SUFU: variants seen among roughly 807,000 people sequenced by gnomAD.
SUFU encodes SUFU negative regulator of hedgehog signaling, also known as suppressor of fused homolog.
Under a neutral mutation model 58.9 loss-of-function variants are expected in SUFU, and 7 were observed. The observed-to-expected ratio is 0.12, with a 90% CI of 0.07 to 0.22. The LOEUF is 0.22. Among genes scored for constraint, SUFU ranks in the 10% least tolerant of loss-of-function variants. The probability of loss-of-function intolerance (pLI) is 1.00; values close to 1 mark genes in which losing one functional copy is unlikely to be tolerated. For missense variants in SUFU, 451 were observed against 641.3 expected (o/e 0.70, Z 3.20); for synonymous variants, 232 against 254.8 (o/e 0.91, Z 0.85).
chr10:102,579,926 C>T, intron 3 of SUFU: 1 of 912,098 alleles, frequency 1.1e-6, no homozygotes, highest in Non-Finnish European at 1.3e-6. Context: ...TACAACTGGT[C>T]ACCATCTGCG....
chr10:102,585,871 A>G (rs561297998), intron 3 of SUFU, among the ~76,000 whole-genome samples: 2 of 143,536 alleles, frequency 1.4e-5, no homozygotes, highest in South Asian at 4.5e-4. Context: ...TTATGTGCTT[A>G]TTAGCTATTT....
At chr10:102,528,464 A>G (rs2135688957) in intron 2 of SUFU, among the ~76,000 whole-genome samples, 1 of 152,096 alleles carries the variant, frequency 6.6e-6, no homozygotes, top group East Asian at 1.9e-4. Flanking sequence ...TCAGCTACTC[A>G]GTGGCTGAGG....
intron 8 of SUFU, among the ~76,000 whole-genome samples, chr10:102,613,133 G>A (rs545910922): frequency 3.3e-5 from 5 of 152,150 alleles, no homozygotes; most frequent in Non-Finnish European, 7.4e-5. Flanking sequence ...TCTGACGCAC[G>A]GTGAGGGGGG....
chr10:102,534,327 G>A (rs933728197), intron 2 of SUFU, among the ~76,000 whole-genome samples: 6 of 152,148 alleles, frequency 3.9e-5, no homozygotes, highest in Admixed American at 3.3e-4. Context: ...CTTGGGAGGC[G>A]GAGGCAGGAG....
Position 102,584,423 on chromosome 10 carries a change from C to T in SUFU, c.455-8159C>T, listed in dbSNP as rs901723469. On this transcript the variant is annotated intron_variant, in intron 3 of 11. Coordinates refer to ENST00000369902, the MANE Select transcript of SUFU (RefSeq NM_016169.4). Reference sequence around the variant, plus strand: ...TTTTGAACTCCTGGGCTCAAGAGATCCTCTCACTGGGCCTCCCAAAATGCT... The same window carrying T: ...TTTTGAACTCCTGGGCTCAAGAGATTCTCTCACTGGGCCTCCCAAAATGCT... Among the ~76,000 whole-genome samples the T allele has an allele frequency of 7.9e-5, 12 of 152,174 alleles. No homozygotes were observed. The East Asian group carries it at 2.1e-3, about 27-fold the overall frequency.
At chr10:102,598,104 G>A (rs553295790) in intron 7 of SUFU, among the ~76,000 whole-genome samples, 1 of 151,988 alleles carries the variant, frequency 6.6e-6, no homozygotes, top group South Asian at 2.1e-4. Flanking sequence ...AAAGGTTTTT[G>A]TTCGTTCTGT....
chr10:102,549,313 AAGG>A (rs1219897262), intron 2 of SUFU, among the ~76,000 whole-genome samples: 1 of 152,206 alleles, frequency 6.6e-6, no homozygotes, highest in East Asian at 1.9e-4. Context: ...ATGTTGGTGG[AAGG>A]AGAAGAGGGT....
chr10:102,520,784 CT>C (rs1370685346), intron 2 of SUFU, among the ~76,000 whole-genome samples: 2 of 152,212 alleles, frequency 1.3e-5, no homozygotes, highest in East Asian at 3.8e-4. Flanking sequence ...TCCGCCGTGC[CT>C]TTTGGTGACT....
At chr10:102,604,640 A>G (rs1398774681) in intron 8 of SUFU, among the ~76,000 whole-genome samples, 1 of 152,198 alleles carries the variant, frequency 6.6e-6, no homozygotes, top group Non-Finnish European at 1.5e-5. Flanking sequence ...TAAGAGCTAG[A>G]GAAAGGAAAT....
chr10:102,513,117 A>G (rs2062421849), intron 2 of SUFU, among the ~76,000 whole-genome samples: 1 of 152,192 alleles, frequency 6.6e-6, no homozygotes, highest in South Asian at 2.1e-4. Flanking sequence ...AGGTACCTTT[A>G]TAATTGGCTT....
intron 2 of SUFU, among the ~76,000 whole-genome samples, chr10:102,542,307 A>G (rs1217628871): frequency 6.6e-6 from 1 of 151,446 alleles, no homozygotes; most frequent in East Asian, 1.9e-4. Flanking sequence ...TAGTTTTTGT[A>G]TTTTTAGTAG....
chr10:102,518,867 C>T (rs1057506983), intron 2 of SUFU, among the ~76,000 whole-genome samples: 10 of 151,388 alleles, frequency 6.6e-5, no homozygotes, highest in African/African-American at 1.7e-4. Flanking sequence ...TGGCCGGGTG[C>T]GGTGGCTCAC....
chr10:102,505,619 C>A (rs539668306), intron 1 of SUFU, among the ~76,000 whole-genome samples: 48 of 152,252 alleles, frequency 3.2e-4, no homozygotes, highest in African/African-American at 1.0e-3. Context: ...GCCAGCTGCC[C>A]GCATCAATGG....
At chr10:102,512,878 A>T (rs1297535962) in intron 2 of SUFU, among the ~76,000 whole-genome samples, 1 of 152,054 alleles carries the variant, frequency 6.6e-6, no homozygotes, top group African/African-American at 2.4e-5. Context: ...AGCCTGGGGA[A>T]CATAGTGAGA....
rs1461289581 is a variant in SUFU, at chr10:102,631,349, C to T, written c.*1194C>T. ...CCTCTCCTTTCTGGCATCCTGGCCTCTCGTGGTCCTCAGCCCCTCACCCCC... is the reference window on the plus strand; with the variant it reads ...CCTCTCCTTTCTGGCATCCTGGCCTTTCGTGGTCCTCAGCCCCTCACCCCC... On this transcript the variant is annotated 3_prime_UTR_variant, in exon 12 of 12. Coordinates refer to ENST00000369902, the MANE Select transcript of SUFU (RefSeq NM_016169.4). 4.3e-6 allele frequency: 1 copy of T among 233,726 alleles called. No homozygotes were observed. The highest frequency in any genetic ancestry group is 2.2e-5 in the African/African-American group (1 of 45,342). 14.5% of individuals were successfully genotyped at this position (233,726 alleles called of 1,614,324 possible). A position where few individuals can be genotyped will look rare whatever the true frequency, so the allele number is the denominator to read the frequency against.
chr10:102,629,539 C>T lies in SUFU; in HGVS notation c.1366-527C>T, dbSNP rs1304294397. ...CCCACTCTTCTGCTCCCACCAAGGCCGCAAGTGTGGTTCTGACTTTGGGGC... is the reference window on the plus strand; with the variant it reads ...CCCACTCTTCTGCTCCCACCAAGGCTGCAAGTGTGGTTCTGACTTTGGGGC... On this transcript the variant is annotated intron_variant, in intron 11 of 11. Coordinates refer to ENST00000369902, the MANE Select transcript of SUFU (RefSeq NM_016169.4). The surrounding 1 kb of genome is among the most constrained non-coding windows in gnomAD (Gnocchi z 4.7). 6.6e-6 allele frequency among the ~76,000 whole-genome samples: 1 copy of T among 152,206 alleles called. No individual in the cohort carries two copies. The highest frequency in any genetic ancestry group is 6.5e-5 in the Admixed American group (1 of 15,280).
chr10:102,579,935 C>T (rs770057789), intron 3 of SUFU: 147 of 851,426 alleles, frequency 1.7e-4, no homozygotes, highest in East Asian at 3.7e-4. Flanking sequence ...TCACCATCTG[C>T]GCCATTTGAC....
intron 8 of SUFU, among the ~76,000 whole-genome samples, chr10:102,614,781 C>T (rs1321698046): frequency 6.6e-6 from 1 of 151,086 alleles, no homozygotes; most frequent in Non-Finnish European, 1.5e-5. Context: ...GAGGCTAAGG[C>T]GGGAGAATTG....
rs1271880149 is a variant in SUFU, at chr10:102,632,773, C to A, written c.*2618C>A. The stretch of plus-strand genomic sequence containing the variant: ...CCCCTCCAGGTCCCTGGTGCTAGAG[C>A]TTCTGAGAAGGGCCTTTCCCTTTCC... On this transcript the variant is annotated 3_prime_UTR_variant, in exon 12 of 12. Transcript: ENST00000369902. The A allele has an allele frequency of 2.6e-5, 6 of 233,326 alleles. No individual in the cohort carries two copies. Among genetic ancestry groups the A allele is most frequent in the Non-Finnish European group, 5.1e-5 (6 of 118,168 alleles). 14.5% of individuals were successfully genotyped at this position (233,326 alleles called of 1,614,324 possible).
Sources: gnomAD v4.1 joint callset for allele counts (sites outside exome capture counted in the v4.1 genomes callset) on GRCh38, gnomAD v4.1.1 for gene constraint, Gnocchi (gnomAD v3.1) non-coding constraint, MANE v1.5 for transcripts, NCBI Gene and HGNC (gene_info 2026-07-23, HGNC 2026-07-21) for gene names.